The following LPP variants were observed in gnomAD, a reference collection of about 807,000 sequenced individuals.
LPP encodes the protein lipoma-preferred partner.
In LPP, 38 loss-of-function variants were observed where a neutral mutation model predicts 60.4. The observed-to-expected ratio is 0.63, with a 90% CI of 0.49 to 0.83. LPP has a LOEUF of 0.83. LPP is among the 40% of genes least tolerant of loss of function. LPP has a pLI of 0.00. For synonymous variants in LPP, 328 were observed against 290.8 expected (o/e 1.13, Z -1.30); for missense variants, 902 against 783.6 (o/e 1.15, Z -1.80).
At chr3:188,709,456 G>A in intron 8 of LPP, 1 of 152,210 alleles carries the variant, frequency 6.6e-6, no homozygotes. Flanking sequence ...TCCGGATTTT[G>A]AGCAATTCTC....
At chr3:188,550,892 C>T (rs571634529) in intron 6 of LPP, among the ~76,000 whole-genome samples, 12 of 152,236 alleles carry the variant, frequency 7.9e-5, no homozygotes, top group African/African-American at 2.2e-4. Context: ...CATTTTGAAA[C>T]GTTAGTTGGT....
chr3:188,402,822 A>G (rs1053936712), intron 3 of LPP, among the ~76,000 whole-genome samples: 3 of 152,232 alleles, frequency 2.0e-5, no homozygotes, highest in African/African-American at 7.2e-5. Flanking sequence ...GAAAGTACTA[A>G]AGAGCCTAGA....
intron 2 of LPP, among the ~76,000 whole-genome samples, chr3:188,278,554 T>A (rs759780176): frequency 9.9e-5 from 15 of 152,128 alleles, no homozygotes; most frequent in Non-Finnish European, 1.8e-4. Context: ...TTTTCATGGT[T>A]TACTTGGTTT....
At chr3:188,861,550 A>T (rs1423402659) in intron 9 of LPP, among the ~76,000 whole-genome samples, 1 of 152,180 alleles carries the variant, frequency 6.6e-6, no homozygotes, top group Non-Finnish European at 1.5e-5. Context: ...CCTATGTAAT[A>T]TGTAAATAAT....
chr3:188,623,258 C>CT (rs112468971), intron 7 of LPP, among the ~76,000 whole-genome samples: 69,618 of 135,926 alleles, frequency 0.51, 18,527 homozygotes, highest in East Asian at 0.82. Flanking sequence ...TATGAAGATA[C>CT]TTTTTTTTTT....
At chr3:188,620,152 C>T (rs986954755) in intron 7 of LPP, among the ~76,000 whole-genome samples, 3 of 152,026 alleles carry the variant, frequency 2.0e-5, no homozygotes, top group Middle Eastern at 3.4e-3. Context: ...CAGTATAATT[C>T]GCCCATTTAA....
intron 4 of LPP, among the ~76,000 whole-genome samples, chr3:188,476,528 C>A (rs1264149121): frequency 6.6e-6 from 1 of 152,096 alleles, no homozygotes; most frequent in African/African-American, 2.4e-5. Flanking sequence ...GCTTTTGATT[C>A]CTCTTGCCAA....
At chr3:188,688,713 C>T in intron 7 of LPP, 1 of 454,044 alleles carries the variant, frequency 2.2e-6, no homozygotes, top group Non-Finnish European at 4.5e-6. Context: ...TCAGCAAGCA[C>T]TTATTAAGTG....
At chr3:188,157,224 G>A (rs1447224628) in intron 1 of LPP, among the ~76,000 whole-genome samples, 4 of 152,064 alleles carry the variant, frequency 2.6e-5, no homozygotes, top group Non-Finnish European at 1.5e-5. Context: ...GAATCTCAAA[G>A]GTCCCCTGAG....
intron 4 of LPP, among the ~76,000 whole-genome samples, chr3:188,469,549 T>C (rs1801286482): frequency 6.6e-6 from 1 of 152,174 alleles, no homozygotes; most frequent in Non-Finnish European, 1.5e-5. Flanking sequence ...GCACAAGGGC[T>C]TGATATGCCA....
chr3:188,486,016 T>C (rs1806400756), intron 5 of LPP, among the ~76,000 whole-genome samples: 1 of 152,120 alleles, frequency 6.6e-6, no homozygotes, highest in Admixed American at 6.5e-5. Context: ...ATTAATTTTA[T>C]CATTTGTTTT....
chr3:188,807,223 A>G (rs1281616383), intron 9 of LPP, among the ~76,000 whole-genome samples: 1 of 151,912 alleles, frequency 6.6e-6, no homozygotes, highest in Non-Finnish European at 1.5e-5. Flanking sequence ...CTTGCTTTCA[A>G]TGCAGTATGA....
intron 6 of LPP, among the ~76,000 whole-genome samples, chr3:188,591,397 T>C (rs1560605805): frequency 6.6e-6 from 1 of 152,210 alleles, no homozygotes; most frequent in Non-Finnish European, 1.5e-5. Context: ...TGCAGATCTC[T>C]TTGAGCATAA....
chr3:188,719,205 G>T (rs916116903), intron 8 of LPP, among the ~76,000 whole-genome samples: 2 of 152,102 alleles, frequency 1.3e-5, no homozygotes, highest in African/African-American at 4.8e-5. Flanking sequence ...CCACCTGTAG[G>T]TTTCATCTAT....
rs1299782708 is a variant in LPP, at chr3:188,883,384, T to G, written c.*8905T>G. ...GTAGCTTCATGCCTTCCCCAGTAAC[T>G]AACCCATGAACAGTACACCCCTTTT... is the stretch of plus-strand genomic sequence containing the variant. On this transcript the variant is annotated 3_prime_UTR_variant, in exon 12 of 12. Coordinates refer to ENST00000617246, the MANE Select transcript of LPP (RefSeq NM_001375462.1). The G allele has an allele frequency of 4.7e-6, 1 of 211,396 alleles. No individual in the cohort carries two copies. The highest frequency in any genetic ancestry group is 9.6e-6 in the Non-Finnish European group (1 of 104,166). 13.1% of individuals were successfully genotyped at this position (211,396 alleles called of 1,614,324 possible). A position where few individuals can be genotyped will look rare whatever the true frequency, so the allele number is the denominator to read the frequency against.
At chr3:188,543,874 C>T (rs1392284986) in intron 6 of LPP, among the ~76,000 whole-genome samples, 3 of 152,058 alleles carry the variant, frequency 2.0e-5, no homozygotes, top group African/African-American at 7.2e-5. Context: ...ATAAACCTGC[C>T]GATCACAAAA....
At chr3:188,646,058 T>C (rs1249992173) in intron 7 of LPP, among the ~76,000 whole-genome samples, 29 of 152,194 alleles carry the variant, frequency 1.9e-4, no homozygotes, top group Admixed American at 1.9e-3. Context: ...GATTTTGACA[T>C]TGTTATATGT....
At chr3:188,411,597 A>G (rs1051447129) in intron 4 of LPP, among the ~76,000 whole-genome samples, 4 of 152,158 alleles carry the variant, frequency 2.6e-5, no homozygotes, top group Non-Finnish European at 4.4e-5. Context: ...ACAAGATAAG[A>G]TAATGCAATT....
At chr3:188,298,565 G>A (rs963656805) in intron 2 of LPP, among the ~76,000 whole-genome samples, 3 of 152,160 alleles carry the variant, frequency 2.0e-5, no homozygotes, top group Non-Finnish European at 2.9e-5. Flanking sequence ...CTCGTGAGGC[G>A]CTTCTCATGA....
Sources: allele counts gnomAD v4.1 joint callset (sites outside exome capture counted in the v4.1 genomes callset), GRCh38; gene constraint gnomAD v4.1.1; transcripts MANE v1.5; gene names NCBI Gene and HGNC (gene_info 2026-07-23, HGNC 2026-07-21).